The following MBD5 variants were observed in gnomAD, a reference collection of about 807,000 sequenced individuals.
MBD5 encodes methyl-CpG-binding domain protein 5.
MBD5 carries 13 observed loss-of-function variants against 117.3 expected under a neutral mutation model. The ratio of observed to expected loss-of-function variants is 0.11; its 90% CI spans 0.07 to 0.18. The LOEUF is 0.18. Among genes scored for constraint, MBD5 ranks in the 10% least tolerant of loss-of-function variants. The pLI is 1.00. For missense variants in MBD5, 1,879 were observed against 2,093.8 expected (o/e 0.90, Z 2.00); for synonymous variants, 727 against 766.4 (o/e 0.95, Z 0.85).
intron 1 of MBD5, among the ~76,000 whole-genome samples, chr2:148,092,259 C>A (rs1695962638): frequency 6.6e-6 from 1 of 152,154 alleles, no homozygotes; most frequent in South Asian, 2.1e-4. Context: ...CGTGGAGATT[C>A]CTTAAAGAAC....
intron 3 of MBD5, among the ~76,000 whole-genome samples, chr2:148,334,556 G>C (rs1162709811): frequency 6.6e-6 from 1 of 151,986 alleles, no homozygotes; most frequent in African/African-American, 2.4e-5. Context: ...CTGACCTCAA[G>C]CTCCTGGTCT....
intron 3 of MBD5, among the ~76,000 whole-genome samples, chr2:148,323,504 C>G (rs373300271): frequency 2.6e-5 from 4 of 152,026 alleles, no homozygotes; most frequent in African/African-American, 7.2e-5. Flanking sequence ...CTCTCCAGCA[C>G]CTGTTGTTTC....
chr2:148,256,030 G>A (rs750612975), intron 3 of MBD5, among the ~76,000 whole-genome samples: 8 of 152,342 alleles, frequency 5.3e-5, no homozygotes, highest in Non-Finnish European at 8.8e-5. Flanking sequence ...GCCTGTGGCC[G>A]TGTCCACATC....
At chr2:148,200,406 C>T (rs1699105068) in intron 2 of MBD5, among the ~76,000 whole-genome samples, 1 of 151,996 alleles carries the variant, frequency 6.6e-6, no homozygotes, top group Non-Finnish European at 1.5e-5. Flanking sequence ...GAAATGTGAT[C>T]TGGGGCTGGG....
At chr2:148,406,045 A>G (rs1705068162) in intron 4 of MBD5, among the ~76,000 whole-genome samples, 1 of 152,156 alleles carries the variant, frequency 6.6e-6, no homozygotes, top group Non-Finnish European at 1.5e-5. Flanking sequence ...ATTAATAAAA[A>G]TTAGCCAGGA....
chr2:148,052,352 A>G (rs1176518945), intron 1 of MBD5, among the ~76,000 whole-genome samples: 1 of 151,726 alleles, frequency 6.6e-6, no homozygotes, highest in Non-Finnish European at 1.5e-5. Context: ...CTGGGATTAC[A>G]GGCATGTGAC....
At chr2:148,403,098 AT>A (rs1341376647) in intron 4 of MBD5, among the ~76,000 whole-genome samples, 4 of 151,912 alleles carry the variant, frequency 2.6e-5, no homozygotes, top group Non-Finnish European at 1.5e-5. Flanking sequence ...TAGAAGTTCA[AT>A]TTGGCTCTTT....
At chr2:148,481,827 G>C (rs1164839359) in intron 8 of MBD5, 1 of 151,994 alleles carries the variant, frequency 6.6e-6, no homozygotes, top group East Asian at 1.9e-4. Context: ...AATTTCTCCA[G>C]ATAATTCTGT....
At position 148,489,794 on chromosome 2, in the gene MBD5, GA is replaced by G; in HGVS notation, c.4163del (p.Asp1388ValfsTer4). 6.2e-7 allele frequency: 1 copy of G among 1,614,200 alleles called. No individual in the cohort carries two copies. The highest frequency in any genetic ancestry group is 1.1e-5 in the South Asian group (1 of 91,074). On this transcript the variant is annotated frameshift_variant, in exon 11 of 14. Coordinates refer to ENST00000642680, the MANE Select transcript of MBD5 (RefSeq NM_001378120.1). LOFTEE classifies it high-confidence loss of function. ...HGRNMGGVDH[D>X]GRLRNSRGAR... ...ACGGAACATGGGAGGTGTTGATCAT[GA>G]TGGTAGGCTGAGGAATTCAAGAGGG...
chr2:148,108,541 GAA>G (rs565338299), intron 1 of MBD5, among the ~76,000 whole-genome samples: 4 of 116,340 alleles, frequency 3.4e-5, no homozygotes, highest in African/African-American at 9.3e-5. Context: ...AAGAAAAAAA[GAA>G]AAAAAAAAAA....
intron 2 of MBD5, among the ~76,000 whole-genome samples, chr2:148,224,772 GTTTTGT>G (rs1041016406): frequency 6.8e-6 from 1 of 148,110 alleles, no homozygotes; most frequent in African/African-American, 2.4e-5. Flanking sequence ...AAATTGTTTT[GTTTTGT>G]TTTTTTGCTG....
At chr2:148,070,085 A>G (rs1695310026) in intron 1 of MBD5, among the ~76,000 whole-genome samples, 1 of 152,110 alleles carries the variant, frequency 6.6e-6, no homozygotes. Context: ...GCCTCTCTTC[A>G]TCCTCTCCAT....
At position 148,513,255 on chromosome 2, in the gene MBD5, A is replaced by G. The variant is rs940413879; in HGVS notation, c.*314A>G. 4.1e-5 allele frequency: 14 copies of G among 338,158 alleles called. No homozygotes were observed. The highest frequency in any genetic ancestry group is 3.4e-5 in the South Asian group (1 of 29,628). 20.9% of individuals were successfully genotyped at this position (338,158 alleles called of 1,614,324 possible). ...TCCAAATGTTTCTGAAGAATTTTCA[A>G]TGTTGTATATAGAAAATACAGAATT... is the stretch of plus-strand genomic sequence containing the variant. On this transcript the variant is annotated 3_prime_UTR_variant, in exon 14 of 14. Coordinates refer to ENST00000642680, the MANE Select transcript of MBD5 (RefSeq NM_001378120.1).
chr2:148,366,403 C>G (rs1235109131), intron 4 of MBD5, among the ~76,000 whole-genome samples: 1 of 152,082 alleles, frequency 6.6e-6, no homozygotes, highest in Non-Finnish European at 1.5e-5. Flanking sequence ...AGCATTCCCT[C>G]TGAAAACCAG....
intron 2 of MBD5, among the ~76,000 whole-genome samples, chr2:148,204,624 TATCC>T (rs1326334330): frequency 2.6e-5 from 4 of 152,308 alleles, no homozygotes; most frequent in Middle Eastern, 6.8e-3. Context: ...GTGTCTGTCT[TATCC>T]ACATCAACAT....
At chr2:148,056,958 A>C (rs1694883365) in intron 1 of MBD5, among the ~76,000 whole-genome samples, 1 of 151,588 alleles carries the variant, frequency 6.6e-6, no homozygotes, top group Non-Finnish European at 1.5e-5. Context: ...AATACATTGT[A>C]TTTTTCTACG....
At chr2:148,370,804 T>A (rs912711224) in intron 4 of MBD5, among the ~76,000 whole-genome samples, 17 of 152,196 alleles carry the variant, frequency 1.1e-4, no homozygotes, top group Admixed American at 2.6e-4. Context: ...CTAATTTTTT[T>A]AAAGATATTT....
chr2:148,232,972 C>T (rs1023455425), intron 2 of MBD5, among the ~76,000 whole-genome samples: 7 of 152,044 alleles, frequency 4.6e-5, no homozygotes, highest in African/African-American at 1.7e-4. Flanking sequence ...TTCTCATCTC[C>T]GATCTGCCAC....
intron 11 of MBD5, among the ~76,000 whole-genome samples, chr2:148,494,188 T>C (rs1369131533): frequency 1.3e-5 from 2 of 152,246 alleles, no homozygotes; most frequent in African/African-American, 4.8e-5. Flanking sequence ...TACCTCTGCA[T>C]TGTCCATGTA....
Sources: allele counts gnomAD v4.1 joint callset (sites outside exome capture counted in the v4.1 genomes callset), GRCh38; gene constraint gnomAD v4.1.1; transcripts MANE v1.5; gene names NCBI Gene and HGNC (gene_info 2026-07-23, HGNC 2026-07-21).